The following PHTF1 variants were observed in gnomAD, a reference collection of about 807,000 sequenced individuals.
The protein encoded by PHTF1 is putative homeodomain transcription factor 1.
Under a neutral mutation model 102.4 loss-of-function variants are expected in PHTF1, and 88 were observed. The ratio of observed to expected loss-of-function variants is 0.86; its 90% CI spans 0.72 to 1.03. The LOEUF is 1.03. PHTF1 is among the 50% of genes least tolerant of loss of function. PHTF1 has a pLI of 0.00. For synonymous variants in PHTF1, 289 were observed against 305.2 expected (o/e 0.95, Z 0.55); for missense variants, 814 against 909.5 (o/e 0.89, Z 1.35).
chr1:113,699,261 G>A (rs1404087979), intron 17 of PHTF1: 3 of 252,368 alleles, frequency 1.2e-5, no homozygotes, highest in Non-Finnish European at 1.6e-5. Flanking sequence ...TGTTCCCCCA[G>A]TAGTCTCCTC....
At chr1:113,718,812 C>T (rs1452275547) in intron 7 of PHTF1, among the ~76,000 whole-genome samples, 3 of 152,130 alleles carry the variant, frequency 2.0e-5, no homozygotes, top group Admixed American at 6.5e-5. Context: ...ACCCTGGGTC[C>T]GGCCCACGAA....
intron 5 of PHTF1, among the ~76,000 whole-genome samples, chr1:113,730,754 C>T (rs1238526789): frequency 4.6e-5 from 7 of 152,096 alleles, no homozygotes; most frequent in Admixed American, 2.6e-4. Flanking sequence ...ATTTTAATTT[C>T]AGGTGGAAAT....
At chr1:113,734,671 A>C (rs2101566032) in intron 5 of PHTF1, among the ~76,000 whole-genome samples, 1 of 152,374 alleles carries the variant, frequency 6.6e-6, no homozygotes, top group East Asian at 1.9e-4. Flanking sequence ...AAAAGGAAGC[A>C]TAACTTAAAG....
At chr1:113,736,334 T>G (rs1319591432) in intron 5 of PHTF1, among the ~76,000 whole-genome samples, 1 of 130,184 alleles carries the variant, frequency 7.7e-6, no homozygotes, top group African/African-American at 3.0e-5. Flanking sequence ...AGAGCGAGAC[T>G]CCATCTCAAA....
intron 7 of PHTF1, 75 bp from the exon 8 acceptor site, chr1:113,713,513 A>T: frequency 1.3e-6 from 1 of 771,126 alleles, no homozygotes; most frequent in East Asian, 2.7e-5. Flanking sequence ...TCTTTTAAGG[A>T]ATACGCTATA....
intron 15 of PHTF1, among the ~76,000 whole-genome samples, chr1:113,703,097 T>C (rs945664900): frequency 3.3e-5 from 5 of 152,192 alleles, no homozygotes; most frequent in Non-Finnish European, 5.9e-5. Flanking sequence ...ACAATCAGAC[T>C]TAAACACACC....
Position 113,713,416 on chromosome 1 carries a change from A to G in PHTF1, c.646T>C (p.Ser216Pro), listed in dbSNP as rs746889723. 1.9e-6 allele frequency: 3 copies of G among 1,571,416 alleles called. No homozygotes were observed. Among genetic ancestry groups the G allele is most frequent in the African/African-American group, 2.7e-5 (2 of 73,650 alleles). Reference sequence around the variant, plus strand: ...TTGTCAGTTTCAGTCCCTTTGTTAGATATTAATTTTACTCTTTTAATCCTA... The same window carrying G: ...TTGTCAGTTTCAGTCCCTTTGTTAGGTATTAATTTTACTCTTTTAATCCTA... ...GNRIKRVKLI[S>P]NKGTETDNDP... Residue 216 changes from serine (S) to proline (P), a missense_variant, in exon 8 of 19, where the codon TCT (serine) becomes CCT (proline). By Grantham distance (74) the Ser-to-Pro change is moderately conservative (BLOSUM62 -1). Coordinates refer to ENST00000369604, the MANE Select transcript of PHTF1 (RefSeq NM_001323043.2).
rs1266738780 is a variant in PHTF1, at chr1:113,710,429, G to A, written c.1094C>T (p.Ser365Leu). 1.2e-6 allele frequency: 2 copies of A among 1,613,846 alleles called. No individual in the cohort carries two copies. The highest frequency in any genetic ancestry group is 1.7e-6 in the Non-Finnish European group (2 of 1,180,016). ...GCGGGTGCTTTCTGAGTCTCTTCTT[G>A]ACATGTTGAGGCTTCGAGAGCCACC... ...VSGGSRSLNM[S>L]RRDSESTRHD... Residue 365 changes from serine (S) to leucine (L), a missense_variant, in exon 11 of 19, where the codon TCA becomes TTA. Physicochemically the swap from Ser to Leu is moderately radical, Grantham distance 145. Transcript: ENST00000369604.
intron 3 of PHTF1, among the ~76,000 whole-genome samples, chr1:113,750,872 G>A (rs1056166032): frequency 3.3e-5 from 5 of 151,276 alleles, no homozygotes; most frequent in Admixed American, 3.3e-4. Context: ...ATTAGTAAAA[G>A]GGGAGATTCT....
chr1:113,701,125 C>T (rs993799515), intron 15 of PHTF1, among the ~76,000 whole-genome samples, 176 bp from the exon 16 acceptor site: 6 of 152,186 alleles, frequency 3.9e-5, no homozygotes, highest in Non-Finnish European at 7.3e-5. Context: ...ATATATTTCT[C>T]TAAGTTTTCT....
At chr1:113,725,300 T>C (rs1653659981) in intron 6 of PHTF1, 1 of 153,552 alleles carries the variant, frequency 6.5e-6, no homozygotes, top group East Asian at 1.9e-4. Flanking sequence ...TCACTTTTTA[T>C]TGATATCCTA....
chr1:113,746,365 G>C (rs1657231204), intron 3 of PHTF1, among the ~76,000 whole-genome samples: 1 of 152,174 alleles, frequency 6.6e-6, no homozygotes, highest in Non-Finnish European at 1.5e-5. Flanking sequence ...GGTCATGGGA[G>C]GAAGGTCACA....
At chr1:113,701,066 G>A in intron 15 of PHTF1, 117 bp from the exon 16 acceptor site, 1 of 740,334 alleles carries the variant, frequency 1.4e-6, no homozygotes, top group Non-Finnish European at 2.3e-6. Context: ...AATACTGAAA[G>A]CAGAAGAGCT....
chr1:113,738,297 A>C, intron 4 of PHTF1, 29 bp from the exon 5 acceptor site: 1 of 1,591,470 alleles, frequency 6.3e-7, no homozygotes, highest in Non-Finnish European at 8.6e-7. Context: ...ACAAAACATC[A>C]AACATTTATA....
chr1:113,711,869 A>G, intron 9 of PHTF1, 34 bp from the exon 10 acceptor site: 1 of 1,604,854 alleles, frequency 6.2e-7, no homozygotes, highest in Non-Finnish European at 8.5e-7. Context: ...CAATAGGAAA[A>G]TATGTTAAAT....
chr1:113,706,259 T>G, intron 12 of PHTF1, 97 bp from the exon 13 acceptor site: 1 of 1,029,536 alleles, frequency 9.7e-7, no homozygotes, highest in Non-Finnish European at 1.4e-6. Context: ...TAAAAACACA[T>G]TCTAAAAGTA....
At chr1:113,716,647 G>A (rs1652086696) in intron 7 of PHTF1, among the ~76,000 whole-genome samples, 1 of 152,056 alleles carries the variant, frequency 6.6e-6, no homozygotes. Context: ...ACTATGTCCA[G>A]CCGGTCTGAC....
At chr1:113,728,175 A>G (rs1356012638) in intron 5 of PHTF1, among the ~76,000 whole-genome samples, 3 of 152,334 alleles carry the variant, frequency 2.0e-5, no homozygotes, top group East Asian at 3.9e-4. Flanking sequence ...AACTCACAGA[A>G]TGAGAGAAAG....
intron 5 of PHTF1, among the ~76,000 whole-genome samples, chr1:113,732,261 G>A (rs1159933515): frequency 6.6e-6 from 1 of 152,228 alleles, no homozygotes; most frequent in African/African-American, 2.4e-5. Flanking sequence ...ACTTTGGGAG[G>A]CCGAGGCAGG....
Sources: allele counts gnomAD v4.1 joint callset (sites outside exome capture counted in the v4.1 genomes callset), GRCh38; gene constraint gnomAD v4.1.1; transcripts MANE v1.5; gene names NCBI Gene and HGNC (gene_info 2026-07-23, HGNC 2026-07-21).